The following DNAH17 variants were observed in gnomAD, a reference collection of about 807,000 sequenced individuals.
DNAH17 encodes the protein axonemal beta dynein heavy chain 17.
In DNAH17, 376 loss-of-function variants were observed where a neutral mutation model predicts 485.6. The ratio of observed to expected loss-of-function variants is 0.77; its 90% CI spans 0.71 to 0.84. DNAH17 has a LOEUF of 0.84. DNAH17 is among the 40% of genes least tolerant of loss of function. DNAH17 has a pLI of 0.00. For synonymous variants in DNAH17, 3,031 were observed against 2,405.9 expected, an observed-to-expected ratio of 1.26 and a Z score of -7.60; for missense variants, 6,370 against 5,839.3, an observed-to-expected ratio of 1.09 and a Z score of -2.96.
chr17:78,555,301 G>A (rs1286494742), intron 14 of DNAH17, among the ~76,000 whole-genome samples: 2 of 151,778 alleles, frequency 1.3e-5, no homozygotes, highest in African/African-American at 4.8e-5. Flanking sequence ...ACCCTGCTCT[G>A]AGACTACACC....
At chr17:78,475,878 A>G in intron 52 of DNAH17, 45 bp from the exon 53 acceptor site, 1 of 1,595,242 alleles carries the variant, frequency 6.3e-7, no homozygotes, top group Non-Finnish European at 8.5e-7. Context: ...TTTTGCCACC[A>G]TGACCACACA....
chr17:78,493,394 A>G (rs555342789), intron 41 of DNAH17, among the ~76,000 whole-genome samples: 1 of 152,326 alleles, frequency 6.6e-6, no homozygotes, highest in East Asian at 1.9e-4. Flanking sequence ...GCACTCACTG[A>G]AAAACCATCT....
intron 79 of DNAH17, among the ~76,000 whole-genome samples, 184 bp from the exon 80 acceptor site, chr17:78,425,755 G>GGT (rs1568032936): frequency 1.5e-4 from 13 of 88,314 alleles, no homozygotes; most frequent in African/African-American, 6.4e-4. Context: ...TTTGGTGTCT[G>GGT]CTTTTTTTTT....
At position 78,455,691 on chromosome 17, in the gene DNAH17, T is replaced by C; in HGVS notation, c.10123A>G (p.Asn3375Asp). 1 of 1,583,502 alleles carries C rather than the reference T, an allele frequency of 6.3e-7. No individual in the cohort carries two copies. The highest frequency in any genetic ancestry group is 8.6e-7 in the Non-Finnish European group (1 of 1,165,438). ...ATCCAGAATTTCTCCATCAGCTCAT[T>C]CCGGTATTTCTTGGTGAAGTAGCCC... ...YVGYFTKKYR[N>D]ELMEKFWIPY... Residue 3375 changes from asparagine (N) to aspartate (D), a missense_variant, in exon 63 of 81, where the codon AAT (asparagine) becomes GAT (aspartate). Coordinates refer to ENST00000389840, the MANE Select transcript of DNAH17 (RefSeq NM_173628.4).
At chr17:78,478,014 T>TCAC (rs1555667588) in intron 51 of DNAH17, among the ~76,000 whole-genome samples, 18 of 115,982 alleles carry the variant, frequency 1.6e-4, no homozygotes, top group Middle Eastern at 5.7e-3. Flanking sequence ...ATCACCATCA[T>TCAC]CACCATCACC....
At chr17:78,522,459 C>T in intron 25 of DNAH17, 1 of 318,898 alleles carries the variant, frequency 3.1e-6, no homozygotes. Context: ...AGGGTGGAGG[C>T]ACTGGCAACA....
At chr17:78,459,572 C>T (rs899702504) in intron 60 of DNAH17, among the ~76,000 whole-genome samples, 8 of 152,304 alleles carry the variant, frequency 5.3e-5, no homozygotes, top group African/African-American at 1.7e-4. Flanking sequence ...CTCTGTGGGG[C>T]CTGGCTGGCC....
At position 78,495,588 on chromosome 17, in the gene DNAH17, C is replaced by T. The variant is rs138251978; in HGVS notation, c.5903+287G>A. On this transcript the variant is annotated intron_variant, in intron 38 of 80. Transcript: ENST00000389840. ...GAGTAGCTGTGATTACAGGCATGCA[C>T]CACCACACCGAGCTAATTTTTGTAT... Among the ~76,000 whole-genome samples, 171 of 152,156 alleles carry T rather than the reference C, an allele frequency of 1.1e-3. 3 individuals carry two copies. The highest frequency in any genetic ancestry group is 5.0e-3 in the East Asian group (26 of 5,174).
chr17:78,455,968 A>C (rs892495659), intron 62 of DNAH17, 132 bp from the exon 63 acceptor site: 1 of 760,322 alleles, frequency 1.3e-6, no homozygotes, highest in Non-Finnish European at 2.0e-6. Context: ...CTCAATGATG[A>C]AAATGCTTTT....
intron 27 of DNAH17, 137 bp downstream of exon 27, chr17:78,510,247 G>T (rs1317558996): frequency 1.6e-6 from 2 of 1,213,836 alleles, no homozygotes; most frequent in Non-Finnish European, 1.2e-6. Flanking sequence ...TTTGTCACAG[G>T]TTGGGTAAGA....
chr17:78,426,392 T>C lies in DNAH17; in HGVS notation c.12915+65A>G, dbSNP rs4969188. Reference sequence around the variant, plus strand: ...CTCCTGCAGGCTCTAGGGTGTGGGGTGTGCCGAGCTCTGGGCACTCGGTCC... The same window carrying C: ...CTCCTGCAGGCTCTAGGGTGTGGGGCGTGCCGAGCTCTGGGCACTCGGTCC... On this transcript the variant is annotated intron_variant, in intron 79 of 80. Coordinates refer to ENST00000389840, the MANE Select transcript of DNAH17 (RefSeq NM_173628.4). 0.74 allele frequency: 1,089,995 copies of C among 1,478,926 alleles called. 404,617 individuals carry two copies. Among genetic ancestry groups the C allele is most frequent in the East Asian group, 0.98 (39,492 of 40,436 alleles). 91.6% of individuals were successfully genotyped at this position (1,478,926 alleles called of 1,614,324 possible). A position where few individuals can be genotyped will look rare whatever the true frequency, so the allele number is the denominator to read the frequency against.
rs2092319715 is a variant in DNAH17, at chr17:78,569,534, A to G, written c.1045-7T>C. ...GGCTCAGGAAGGTTCGTGTCTGGGC[A>G]AAAGAGAAGACAGACATCTAAAGCT... On this transcript the variant is annotated splice_region_variant and splice_polypyrimidine_tract_variant and intron_variant, in intron 7 of 80. Coordinates refer to ENST00000389840, the MANE Select transcript of DNAH17 (RefSeq NM_173628.4). The G allele has an allele frequency of 6.2e-7, 1 of 1,600,038 alleles. No homozygotes were observed. Among genetic ancestry groups the G allele is most frequent in the Non-Finnish European group, 8.5e-7 (1 of 1,173,562 alleles).
intron 17 of DNAH17, 117 bp downstream of exon 17, chr17:78,543,740 A>T (rs991407373): frequency 4.1e-6 from 6 of 1,479,096 alleles, no homozygotes; most frequent in Non-Finnish European, 5.6e-6. Context: ...ACAGACTTCT[A>T]TGACTACAAG....
chr17:78,455,977 T>C, intron 62 of DNAH17, 141 bp from the exon 63 acceptor site: 1 of 724,998 alleles, frequency 1.4e-6, no homozygotes, highest in South Asian at 2.6e-5. Flanking sequence ...GAAAATGCTT[T>C]TGGGAGGAAA....
At position 78,561,655 on chromosome 17, in the gene DNAH17, C is replaced by T. The variant is rs941934972; in HGVS notation, c.1835+60G>A. ...GTCCCGCTCGGGGTTGGGACAGTCC[C>T]TCTCGCTCTCCCGCACCATGGAGGC... On this transcript the variant is annotated intron_variant, in intron 12 of 80. Coordinates refer to ENST00000389840, the MANE Select transcript of DNAH17 (RefSeq NM_173628.4). 7.0e-5 allele frequency: 107 copies of T among 1,521,950 alleles called. No homozygotes were observed. In the Middle Eastern group the frequency reaches 9.8e-4, roughly 14 times the overall value. The allele number at this position is 1,521,950 out of a possible 1,614,324, so 94.3% of individuals were successfully genotyped here.
chr17:78,576,077 C>T lies in DNAH17; in HGVS notation c.-25-995G>A, dbSNP rs1189536823. ...GGGGTATTCAGCTGCTCTGGGGGTC[C>T]GTGGGCTGGGGCTGGCCTGCTCCAG... On this transcript the variant is annotated intron_variant, in intron 1 of 80. Transcript: ENST00000389840. Among the ~76,000 whole-genome samples, 5 of 152,178 alleles carry T rather than the reference C, an allele frequency of 3.3e-5. No homozygotes were observed. The South Asian group carries it at 1.0e-3, about 32-fold the overall frequency.
In DNAH17 at chr17:78,505,508, G is replaced by C. The variant is rs553276210; in HGVS notation, c.4804-63C>G. ...GATTTGAAAGGCATGTGCGTGGCTT[G>C]GGCTTTCCGTGGGTGGTTTTAGGCA... On this transcript the variant is annotated intron_variant, in intron 30 of 80. Coordinates refer to ENST00000389840, the MANE Select transcript of DNAH17 (RefSeq NM_173628.4). 3.7e-6 allele frequency: 6 copies of C among 1,606,784 alleles called. No individual in the cohort carries two copies. In the Admixed American group the frequency reaches 6.7e-5, roughly 18 times the overall value.
chr17:78,455,629 G>T lies in DNAH17; in HGVS notation c.10170+15C>A, dbSNP rs1334156250. 7.2e-6 allele frequency: 11 copies of T among 1,524,392 alleles called. No individual in the cohort carries two copies. The East Asian group carries it at 2.6e-4, about 35-fold the overall frequency. 94.4% of individuals were successfully genotyped at this position (1,524,392 alleles called of 1,614,324 possible). On this transcript the variant is annotated intron_variant, in intron 63 of 80. Coordinates refer to ENST00000389840, the MANE Select transcript of DNAH17 (RefSeq NM_173628.4). ...GGCGTGAGCCACCGCGCCTGGCCAG[G>T]ACTCCACTCCTTACCTTTAAGTTAT...
Position 78,450,732 on chromosome 17 carries a change from C to G in DNAH17, c.10849G>C (p.Val3617Leu), listed in dbSNP as rs775867208. 1.3e-5 allele frequency: 21 copies of G among 1,613,908 alleles called. No homozygotes were observed. Among genetic ancestry groups the G allele is most frequent in the Non-Finnish European group, 1.6e-5 (19 of 1,179,896 alleles). Residue 3617 changes from valine (V) to leucine (L), a missense_variant, in exon 67 of 81, where the codon GTG becomes CTG. Physicochemically the swap from Val to Leu is conservative, Grantham distance 32 (BLOSUM62 1). Coordinates refer to ENST00000389840, the MANE Select transcript of DNAH17 (RefSeq NM_173628.4). The part of the protein sequence containing the change: ...SGNFLGDTAL[V>L]ENLETTKHTA... ...TGCTTGGTGGTCTCCAGATTCTCCA[C>G]CAAGGCCGTGTCTCCCAGAAAGTTC...
Sources: gnomAD v4.1 joint callset for allele counts (sites outside exome capture counted in the v4.1 genomes callset) on GRCh38, gnomAD v4.1.1 for gene constraint, MANE v1.5 for transcripts, NCBI Gene and HGNC (gene_info 2026-07-23, HGNC 2026-07-21) for gene names.